The following ROBO1 variants were observed in gnomAD, a reference collection of about 807,000 sequenced individuals.
ROBO1 encodes roundabout guidance receptor 1.
ROBO1 carries 149 observed loss-of-function variants against 195.9 expected under a neutral mutation model. The ratio of observed to expected loss-of-function variants is 0.76; its 90% CI spans 0.67 to 0.87. The LOEUF (loss-of-function observed/expected upper bound fraction) is 0.87. Ranked by LOEUF, ROBO1 falls within the 40% of genes least tolerant of loss-of-function variation. The pLI, the probability that ROBO1 is intolerant of heterozygous loss-of-function variation, is 0.00. For synonymous variants in ROBO1, 816 were observed against 733.2 expected (o/e 1.11, Z -1.82); for missense variants, 1,933 against 2,068.3 (o/e 0.93, Z 1.27).
chr3:79,015,786 A>G (rs2077917202), intron 3 of ROBO1, among the ~76,000 whole-genome samples: 1 of 152,224 alleles, frequency 6.6e-6, no homozygotes, highest in African/African-American at 2.4e-5. Flanking sequence ...ATGAGAAGTG[A>G]ACACTCTTAA....
chr3:78,644,347 C>T (rs1706150055), intron 21 of ROBO1, among the ~76,000 whole-genome samples: 1 of 152,142 alleles, frequency 6.6e-6, no homozygotes, highest in Non-Finnish European at 1.5e-5. Flanking sequence ...TTTTTATACA[C>T]TTTGCTTACT....
Position 78,635,861 on chromosome 3 carries a change from G to A in ROBO1, c.3285C>T (p.Gly1095=), listed in dbSNP as rs772277077. The A allele has an allele frequency of 6.2e-6, 10 of 1,613,710 alleles. No individual in the cohort carries two copies. The highest frequency in any genetic ancestry group is 4.4e-5 in the South Asian group (4 of 91,076). ...NNMNNGSGDS[G]EKHWKPLGQQ... ...GTCCCAGTGGTTTCCAGTGCTTCTC[G>A]CCAGAGTCCCCGCTGCCATTGTTCA... is the stretch of plus-strand genomic sequence containing the variant. The change falls in exon 23 of 31, where the codon GGC becomes GGT. Residue 1095 remains glycine, a synonymous_variant. Coordinates refer to ENST00000464233, the MANE Select transcript of ROBO1 (RefSeq NM_002941.4).
intron 2 of ROBO1, among the ~76,000 whole-genome samples, chr3:79,497,798 C>T (rs1329805028): frequency 2.0e-5 from 3 of 151,982 alleles, no homozygotes; most frequent in Admixed American, 1.3e-4. Context: ...TCTTTTAAAA[C>T]GGTAAGTACT....
At chr3:79,695,714 C>T (rs908291523) in intron 1 of ROBO1, among the ~76,000 whole-genome samples, 6 of 151,272 alleles carry the variant, frequency 4.0e-5, no homozygotes, top group African/African-American at 1.5e-4. Flanking sequence ...TGCTACTGAA[C>T]CATACTCATG....
At chr3:79,717,815 G>T (rs910164100) in intron 1 of ROBO1, among the ~76,000 whole-genome samples, 3 of 151,986 alleles carry the variant, frequency 2.0e-5, no homozygotes, top group Non-Finnish European at 4.4e-5. Context: ...GTGTGTGAAT[G>T]TATTCAGATG....
intron 1 of ROBO1, among the ~76,000 whole-genome samples, chr3:79,708,580 T>G (rs549064184): frequency 6.6e-6 from 1 of 152,250 alleles, no homozygotes; most frequent in South Asian, 2.1e-4. Flanking sequence ...GAAACAAAAC[T>G]GGCAGGGGAT....
At chr3:78,866,480 C>T (rs1483785220) in intron 4 of ROBO1, among the ~76,000 whole-genome samples, 1 of 152,252 alleles carries the variant, frequency 6.6e-6, no homozygotes, top group Non-Finnish European at 1.5e-5. Context: ...GACTATAGAA[C>T]CCTTCTTTCC....
At chr3:79,673,472 T>A (rs1455040056) in intron 1 of ROBO1, among the ~76,000 whole-genome samples, 1 of 152,016 alleles carries the variant, frequency 6.6e-6, no homozygotes. Context: ...TTGAGCATCA[T>A]GAATGTGGCC....
chr3:78,639,865 C>CGCGGCA lies in ROBO1; in HGVS notation c.2910_2915dup (p.Ala971_Ala972dup). The CGCGGCA allele has an allele frequency of 6.2e-7, 1 of 1,607,612 alleles. No individual in the cohort carries two copies. The highest frequency in any genetic ancestry group is 8.5e-7 in the Non-Finnish European group (1 of 1,176,248). ...GCCACGTGTCTGCCAGCCATGGCTG[C>CGCGGCA]GCGGCAGGTTCACTGATGTTGAGAA... On this transcript the variant is annotated inframe_insertion, in exon 22 of 31. Coordinates refer to ENST00000464233, the MANE Select transcript of ROBO1 (RefSeq NM_002941.4).
At chr3:78,887,704 G>T (rs1277483970) in intron 4 of ROBO1, among the ~76,000 whole-genome samples, 3 of 152,148 alleles carry the variant, frequency 2.0e-5, no homozygotes, top group African/African-American at 7.2e-5. Flanking sequence ...TAACGAAGGG[G>T]TGTTTTGCTT....
intron 3 of ROBO1, among the ~76,000 whole-genome samples, chr3:79,011,408 T>C (rs2077772103): frequency 6.6e-6 from 1 of 152,162 alleles, no homozygotes; most frequent in Non-Finnish European, 1.5e-5. Context: ...GCAAGTTAAG[T>C]TGGAGATCAA....
rs569815129 is a variant in ROBO1 at position 79,560,651 on chromosome 3, C to T, written c.88+29173G>A. ...GTCATCCGAGACCTAGTGGCCCCCT[C>T]ATCTTCACACCGTAGATCTCACAGG... is the stretch of plus-strand genomic sequence containing the variant. On this transcript the variant is annotated intron_variant, in intron 2 of 30. Coordinates refer to ENST00000464233, the MANE Select transcript of ROBO1 (RefSeq NM_002941.4). 1.3e-4 allele frequency among the ~76,000 whole-genome samples: 20 copies of T among 150,590 alleles called. No homozygotes were observed. In the East Asian group the frequency reaches 3.3e-3, roughly 25 times the overall value.
intron 4 of ROBO1, among the ~76,000 whole-genome samples, chr3:78,912,316 T>TA (rs1576387273): frequency 2.6e-5 from 4 of 152,152 alleles, no homozygotes. Flanking sequence ...ATAAGCAACA[T>TA]ATCAGCTGCG....
intron 1 of ROBO1, among the ~76,000 whole-genome samples, chr3:79,735,177 A>G (rs1318658811): frequency 1.3e-5 from 2 of 152,282 alleles, no homozygotes; most frequent in Non-Finnish European, 2.9e-5. Flanking sequence ...GTTTGTGTGC[A>G]CACTAACTTT....
Position 78,668,495 on chromosome 3 carries a change from A to C in ROBO1, c.1619T>G (p.Ile540Ser). 6.2e-7 allele frequency: 1 copy of C among 1,613,854 alleles called. No individual in the cohort carries two copies. Among genetic ancestry groups the C allele is most frequent in the Non-Finnish European group, 8.5e-7 (1 of 1,179,790 alleles). Reference sequence around the variant, plus strand: ...ACCATTTACTTTACCTTGAACTTCAATGTAAGCACTCCATGTTGCTTCACC... The same window carrying C: ...ACCATTTACTTTACCTTGAACTTCACTGTAAGCACTCCATGTTGCTTCACC... ...PSGEATWSAYIEVQEFGVPVQ... is the reference protein window; with the variant it reads ...PSGEATWSAYSEVQEFGVPVQ... Residue 540 changes from isoleucine to serine, a missense_variant, in exon 12 of 31, where the codon ATT becomes AGT. Ile to Ser is a moderately radical substitution (Grantham distance 142). Coordinates refer to ENST00000464233, the MANE Select transcript of ROBO1 (RefSeq NM_002941.4).
chr3:79,653,469 A>AT (rs1200479846), intron 1 of ROBO1, among the ~76,000 whole-genome samples: 1 of 151,666 alleles, frequency 6.6e-6, no homozygotes, highest in Non-Finnish European at 1.5e-5. Context: ...ATGTCAGGGG[A>AT]TTTTTTTTCA....
intron 2 of ROBO1, among the ~76,000 whole-genome samples, chr3:79,208,737 G>A (rs930763650): frequency 6.6e-5 from 10 of 151,642 alleles, no homozygotes; most frequent in Non-Finnish European, 1.3e-4. Flanking sequence ...GCATGCATGT[G>A]TGTTGTGTAT....
At chr3:79,148,416 G>A (rs979239074) in intron 2 of ROBO1, among the ~76,000 whole-genome samples, 1 of 151,734 alleles carries the variant, frequency 6.6e-6, no homozygotes, top group African/African-American at 2.4e-5. Context: ...CCTAGAGTTC[G>A]AGGCCAGCCT....
At chr3:78,645,895 A>T (rs1371714580) in intron 21 of ROBO1, among the ~76,000 whole-genome samples, 3 of 152,052 alleles carry the variant, frequency 2.0e-5, no homozygotes, top group Non-Finnish European at 2.9e-5. Context: ...TCATTTGCTA[A>T]ATCAGCAAGT....
Sources: allele counts gnomAD v4.1 joint callset (sites outside exome capture counted in the v4.1 genomes callset), GRCh38; gene constraint gnomAD v4.1.1; transcripts MANE v1.5; gene names NCBI Gene and HGNC (gene_info 2026-07-23, HGNC 2026-07-21).